The following RPS29 variants were observed in gnomAD, a reference collection of about 807,000 sequenced individuals.
RPS29 encodes ribosomal protein S29.
For synonymous variants in RPS29, 37 were observed against 26.9 expected (o/e 1.37, Z -1.16); for missense variants, 60 against 75.7 (o/e 0.79, Z 0.77).
At chr14:49,598,635 T>G (rs886930634) in exon 1 of RPS29, 1 of 701,230 alleles carries the variant, frequency 1.4e-6, no homozygotes, top group Non-Finnish European at 2.6e-6. Context: ...CGGCCCGACG[T>G]GCGCCCGCAA....
At chr14:49,591,269 G>A (rs1881703565), upstream of RPS29, among the ~76,000 whole-genome samples, 2 of 146,952 alleles carry the variant, frequency 1.4e-5, no homozygotes, top group South Asian at 4.4e-4. Context: ...CAACAAGTTA[G>A]CAGTTTTTAG....
chr14:49,574,312 TACA>T (rs914312456), exon 3 of RPS29: 46 of 152,346 alleles, frequency 3.0e-4, no homozygotes, highest in African/African-American at 1.0e-3. Context: ...CTTACACTCT[TACA>T]ACATTATTAT....
At chr14:49,589,866 A>G (rs1881674724), upstream of RPS29, among the ~76,000 whole-genome samples, 1 of 152,242 alleles carries the variant, frequency 6.6e-6, no homozygotes, top group Non-Finnish European at 1.5e-5. Context: ...AGCCACAGAA[A>G]AGAACAAGAT....
chr14:49,578,084 C>T (rs1018251132), intron 2 of RPS29, among the ~76,000 whole-genome samples: 6 of 151,460 alleles, frequency 4.0e-5, no homozygotes, highest in Non-Finnish European at 8.8e-5. Flanking sequence ...TCTAGGAAAA[C>T]ATGAGAGCCT....
chr14:49,586,621 G>C, upstream of RPS29: 1 of 472,252 alleles, frequency 2.1e-6, no homozygotes, highest in Non-Finnish European at 3.9e-6. Flanking sequence ...AGCTACTCGG[G>C]AGGCTGAGGC....
At chr14:49,597,233 A>C (rs1881850932) in intron 1 of RPS29, among the ~76,000 whole-genome samples, 2 of 151,386 alleles carry the variant, frequency 1.3e-5, no homozygotes, top group South Asian at 4.2e-4. Flanking sequence ...TTTTAATTTA[A>C]TTTTTTTGTG....
chr14:49,586,542 C>T (rs1881566144), upstream of RPS29: 1 of 609,226 alleles, frequency 1.6e-6, no homozygotes, highest in South Asian at 1.9e-5. Flanking sequence ...CGTCACCATA[C>T]CACAGCTTCT....
At chr14:49,592,577 G>C (rs1191510854) in intron 1 of RPS29, among the ~76,000 whole-genome samples, 1 of 151,312 alleles carries the variant, frequency 6.6e-6, no homozygotes, top group Non-Finnish European at 1.5e-5. Context: ...ATGTTGGTCA[G>C]GCTGGTCTTG....
At chr14:49,583,740 A>C in intron 2 of RPS29, 65 bp from the exon 3 acceptor site, 1 of 1,017,914 alleles carries the variant, frequency 9.8e-7, no homozygotes, top group Non-Finnish European at 1.5e-6. Flanking sequence ...TTCTCACAAA[A>C]AAAAGGCTCA....
chr14:49,577,532 C>T, exon 3 of RPS29: 1 of 579,660 alleles, frequency 1.7e-6, no homozygotes, highest in Non-Finnish European at 3.1e-6. Flanking sequence ...TTGTTGCTCA[C>T]CAGCAGTACT....
At position 49,586,059 on chromosome 14, in the gene RPS29, A is replaced by C; in HGVS notation, c.63-10T>G. The C allele has an allele frequency of 6.2e-7, 1 of 1,610,638 alleles. No individual in the cohort carries two copies. Among genetic ancestry groups the C allele is most frequent in the South Asian group, 1.1e-5 (1 of 90,966 alleles). ...GTTTGAACAGACACGACTGTAAGAA[A>C]AGAGACAGCGGTTTTGCAGGTCATA... On this transcript the variant is annotated splice_polypyrimidine_tract_variant and intron_variant, in intron 1 of 2. Transcript: ENST00000245458.
chr14:49,589,607 C>T (rs1282080881), upstream of RPS29, among the ~76,000 whole-genome samples: 1 of 152,208 alleles, frequency 6.6e-6, no homozygotes, highest in Non-Finnish European at 1.5e-5. Context: ...TACTTCAGCA[C>T]TGTGGAAAGC....
chr14:49,579,387 C>A (rs1032418515), downstream of RPS29, among the ~76,000 whole-genome samples: 1 of 152,194 alleles, frequency 6.6e-6, no homozygotes, highest in Non-Finnish European at 1.5e-5. Flanking sequence ...CCCAAAGACA[C>A]TAAGACAGAA....
chr14:49,598,624 GC>G (rs1350339759), exon 1 of RPS29: 1 of 701,318 alleles, frequency 1.4e-6, no homozygotes, highest in East Asian at 2.7e-5. Context: ...TCGGGAAACA[GC>G]GGCCCGACGT....
chr14:49,578,654 C>T (rs753930431), downstream of RPS29, among the ~76,000 whole-genome samples: 4 of 147,478 alleles, frequency 2.7e-5, no homozygotes, highest in African/African-American at 1.0e-4. Context: ...TCGCTTTCCC[C>T]GGTTCAAGCG....
upstream of RPS29, among the ~76,000 whole-genome samples, chr14:49,590,027 G>A (rs1346159861): frequency 6.6e-6 from 1 of 152,148 alleles, no homozygotes; most frequent in East Asian, 1.9e-4. Context: ...AGACAGCAGG[G>A]CCTACTTGAG....
intron 2 of RPS29, chr14:49,585,461 T>A (rs553433506): frequency 5.5e-6 from 1 of 182,746 alleles, no homozygotes; most frequent in Non-Finnish European, 1.1e-5. Context: ...GAGCCTTTAG[T>A]CCCAGCTACT....
At chr14:49,598,569 T>C in exon 1 of RPS29, 1 of 702,182 alleles carries the variant, frequency 1.4e-6, no homozygotes. Context: ...ACTCAGACAG[T>C]TCTAAGTGCC....
intron 1 of RPS29, among the ~76,000 whole-genome samples, chr14:49,591,863 G>A (rs911080559): frequency 8.1e-5 from 12 of 148,158 alleles, no homozygotes; most frequent in African/African-American, 1.7e-4. Context: ...CTCATGATCC[G>A]CCTGCCTCGG....
Sources: allele counts gnomAD v4.1 joint callset (sites outside exome capture counted in the v4.1 genomes callset), GRCh38; gene constraint gnomAD v4.1.1; transcripts MANE v1.5; gene names NCBI Gene and HGNC (gene_info 2026-07-23, HGNC 2026-07-21).